The following MCF2L2 variants were observed in gnomAD, a reference collection of about 807,000 sequenced individuals.
MCF2L2 encodes the protein MCF.2 cell line derived transforming sequence-like 2, also known as probable guanine nucleotide exchange factor MCF2L2.
Under a neutral mutation model 150.2 loss-of-function variants are expected in MCF2L2, and 102 were observed. The observed-to-expected ratio is 0.68, with a 90% CI of 0.58 to 0.80. The LOEUF (loss-of-function observed/expected upper bound fraction) is 0.80. MCF2L2 is among the 30% of genes least tolerant of loss of function. The probability of loss-of-function intolerance (pLI) is 0.00; values close to 1 mark genes in which losing one functional copy is unlikely to be tolerated. For synonymous variants in MCF2L2, 465 were observed against 491.3 expected, an observed-to-expected ratio of 0.95 and a Z score of 0.71; for missense variants, 1,256 against 1,372.8, an observed-to-expected ratio of 0.91 and a Z score of 1.34.
chr3:183,300,241 C>T, intron 10 of MCF2L2, 45 bp from the exon 11 acceptor site: 2 of 1,539,826 alleles, frequency 1.3e-6, no homozygotes, highest in Non-Finnish European at 1.7e-6. Context: ...GTCAGAGCAT[C>T]ATGAGGCTGA....
rs375339228 is a variant in MCF2L2 at position 183,297,075 on chromosome 3, G to A, written c.1398C>T (p.Asn466=). 74 of 1,614,012 alleles carry A rather than the reference G, an allele frequency of 4.6e-5. No individual in the cohort carries two copies. Among genetic ancestry groups the A allele is most frequent in the South Asian group, 1.5e-4 (14 of 91,080 alleles). Residue 466 remains asparagine, a synonymous_variant, in exon 12 of 30, where the codon AAC becomes AAT. Coordinates refer to ENST00000328913, the MANE Select transcript of MCF2L2 (RefSeq NM_015078.4). ...QSREGVDIAL[N]DIATFLGTVK... Reference sequence around the variant, plus strand: ...CTGTGCCCAGGAATGTCGCAATGTCGTTCAAGGCGATATCAACCCCTTCTC... The same window carrying A: ...CTGTGCCCAGGAATGTCGCAATGTCATTCAAGGCGATATCAACCCCTTCTC...
intron 1 of MCF2L2, among the ~76,000 whole-genome samples, chr3:183,422,758 T>G (rs1282752814): frequency 6.6e-6 from 1 of 152,212 alleles, no homozygotes; most frequent in African/African-American, 2.4e-5. Flanking sequence ...TAGATTTTCT[T>G]GAATAAATGT....
At chr3:183,373,901 C>G (rs181567776) in intron 3 of MCF2L2, 1 of 152,178 alleles carries the variant, frequency 6.6e-6, no homozygotes, top group Admixed American at 6.6e-5. Context: ...TAGAGTAATA[C>G]GAGATAATTG....
intron 6 of MCF2L2, among the ~76,000 whole-genome samples, chr3:183,322,384 G>T (rs1729847908): frequency 6.6e-6 from 1 of 152,162 alleles, no homozygotes; most frequent in Non-Finnish European, 1.5e-5. Flanking sequence ...TGTTGTGGGA[G>T]GCTGTCTTGA....
chr3:183,366,540 G>C (rs550465406), intron 3 of MCF2L2, among the ~76,000 whole-genome samples: 125 of 152,308 alleles, frequency 8.2e-4, no homozygotes, highest in Middle Eastern at 3.4e-3. Context: ...AGCTACGCGA[G>C]AGGCTGAGGC....
chr3:183,410,672 C>G (rs1021658010), intron 1 of MCF2L2, among the ~76,000 whole-genome samples: 2 of 152,238 alleles, frequency 1.3e-5, no homozygotes, highest in Non-Finnish European at 2.9e-5. Context: ...TTTTCCCAGG[C>G]CAGCCTGTAA....
chr3:183,367,509 C>T (rs1317657852), intron 3 of MCF2L2, among the ~76,000 whole-genome samples: 1 of 152,096 alleles, frequency 6.6e-6, no homozygotes, highest in Non-Finnish European at 1.5e-5. Context: ...GGATTACAGG[C>T]GTGAGCCACT....
intron 23 of MCF2L2, among the ~76,000 whole-genome samples, chr3:183,207,175 C>G (rs1722524263): frequency 6.6e-6 from 1 of 152,080 alleles, no homozygotes; most frequent in African/African-American, 2.4e-5. Context: ...GGTGAGAAAA[C>G]AATGCTTGGT....
chr3:183,271,122 G>T, intron 15 of MCF2L2: 2 of 484,406 alleles, frequency 4.1e-6, no homozygotes, highest in Non-Finnish European at 7.1e-6. Flanking sequence ...CATTGCCTAA[G>T]TTCATTTCAA....
chr3:183,226,687 A>C (rs1723357547), intron 18 of MCF2L2: 1 of 152,222 alleles, frequency 6.6e-6, no homozygotes, highest in South Asian at 2.1e-4. Flanking sequence ...TCCCACAGGA[A>C]CTTTGCCCAT....
chr3:183,348,414 T>G (rs1577080658), intron 3 of MCF2L2, among the ~76,000 whole-genome samples: 8 of 66,952 alleles, frequency 1.2e-4, no homozygotes, highest in African/African-American at 4.3e-4. Flanking sequence ...GGGTCGGGGG[T>G]CGGGTAGGGG....
chr3:183,271,037 A>T (rs1046151872), intron 15 of MCF2L2: 13 of 1,156,578 alleles, frequency 1.1e-5, no homozygotes, highest in Non-Finnish European at 1.4e-5. Context: ...AGGACGAAAG[A>T]CAAATATTTT....
chr3:183,245,537 G>A (rs776622171), intron 15 of MCF2L2, among the ~76,000 whole-genome samples: 16 of 152,238 alleles, frequency 1.1e-4, no homozygotes, highest in Non-Finnish European at 2.2e-4. Context: ...GGAGATTGAT[G>A]GGGCTGTGGC....
chr3:183,331,119 A>G (rs1449472210), intron 5 of MCF2L2, among the ~76,000 whole-genome samples: 1 of 152,188 alleles, frequency 6.6e-6, no homozygotes, highest in Non-Finnish European at 1.5e-5. Context: ...GCCATTGTTT[A>G]CCTTGCCCTA....
chr3:183,217,835 A>T (rs75228621), intron 21 of MCF2L2, among the ~76,000 whole-genome samples: 2,811 of 152,300 alleles, frequency 0.018, 85 homozygotes, highest in African/African-American at 0.064. Flanking sequence ...AAAAGCAGTA[A>T]CTAATTAAAG....
chr3:183,246,038 A>G (rs779755107), intron 15 of MCF2L2, among the ~76,000 whole-genome samples: 4 of 152,256 alleles, frequency 2.6e-5, no homozygotes, highest in African/African-American at 4.8e-5. Flanking sequence ...ATGTTCTTCA[A>G]TATCACACAA....
chr3:183,218,658 A>AT (rs371778465), intron 21 of MCF2L2, among the ~76,000 whole-genome samples: 25 of 151,702 alleles, frequency 1.6e-4, no homozygotes, highest in South Asian at 4.2e-4. Context: ...ATAAGAAATA[A>AT]TTTTTTTTTA....
intron 5 of MCF2L2, among the ~76,000 whole-genome samples, chr3:183,337,447 CTTGGG>C (rs2108536951): frequency 6.7e-6 from 1 of 149,586 alleles, no homozygotes; most frequent in South Asian, 2.1e-4. Context: ...ATCCCAGCTA[CTTGGG>C]AGAGGCAGGA....
intron 3 of MCF2L2, among the ~76,000 whole-genome samples, chr3:183,356,287 G>A (rs1384226818): frequency 6.6e-6 from 1 of 151,922 alleles, no homozygotes; most frequent in Non-Finnish European, 1.5e-5. Flanking sequence ...GGCCAAGGCA[G>A]GCTGATCACG....
Sources: allele counts gnomAD v4.1 joint callset (sites outside exome capture counted in the v4.1 genomes callset), GRCh38; gene constraint gnomAD v4.1.1; transcripts MANE v1.5; gene names NCBI Gene and HGNC (gene_info 2026-07-23, HGNC 2026-07-21).